Variants in TTC28 observed in about 807,000 individuals in gnomAD.
TTC28 encodes the protein tetratricopeptide repeat domain 28.
In TTC28, 61 loss-of-function variants were observed where a neutral mutation model predicts 198.0. The observed-to-expected ratio is 0.31, with a 90% confidence interval of 0.25 to 0.38. The LOEUF (loss-of-function observed/expected upper bound fraction) is 0.38, where lower values mean the gene tolerates loss of function less well. Among genes scored for constraint, TTC28 ranks in the 10% least tolerant of loss-of-function variants. The probability of loss-of-function intolerance (pLI) is 1.00; values close to 1 mark genes in which losing one functional copy is unlikely to be tolerated. For synonymous variants in TTC28, 1,171 were observed against 1,297.8 expected (o/e 0.90, Z 2.10); for missense variants, 2,678 against 3,164.0 (o/e 0.85, Z 3.69).
At chr22:28,396,489 C>T (rs2046818608) in intron 2 of TTC28, among the ~76,000 whole-genome samples, 1 of 152,080 alleles carries the variant, frequency 6.6e-6, no homozygotes, top group Admixed American at 6.6e-5. Flanking sequence ...TTCCTCTGTC[C>T]CCCTCCCCAA....
intron 6 of TTC28, among the ~76,000 whole-genome samples, chr22:28,109,955 G>C (rs2049302543): frequency 6.6e-6 from 1 of 152,190 alleles, no homozygotes; most frequent in African/African-American, 2.4e-5. Flanking sequence ...CCCAATTTGT[G>C]TATCTCTCTG....
At chr22:28,330,565 G>A (rs768111823) in intron 2 of TTC28, among the ~76,000 whole-genome samples, 2 of 152,062 alleles carry the variant, frequency 1.3e-5, no homozygotes, top group African/African-American at 2.4e-5. Context: ...TCTATAAAAC[G>A]TAAATTAAAA....
chr22:28,566,902 G>A (rs1401138928), intron 2 of TTC28, among the ~76,000 whole-genome samples: 3 of 151,980 alleles, frequency 2.0e-5, no homozygotes, highest in Admixed American at 6.5e-5. Context: ...TCGGAAACAT[G>A]GGAGACACCA....
intron 2 of TTC28, among the ~76,000 whole-genome samples, chr22:28,520,984 C>T (rs1387021898): frequency 1.3e-5 from 2 of 152,112 alleles, no homozygotes; most frequent in East Asian, 1.9e-4. Context: ...ACCTGGCAGG[C>T]GGAGGTTGCA....
chr22:28,210,350 C>A (rs556857047), intron 5 of TTC28, among the ~76,000 whole-genome samples: 3 of 152,172 alleles, frequency 2.0e-5, no homozygotes, highest in African/African-American at 7.2e-5. Flanking sequence ...CTTCTCCAAA[C>A]TAAAGGAGGA....
intron 12 of TTC28, among the ~76,000 whole-genome samples, chr22:28,073,732 TG>T (rs541570190): frequency 9.7e-4 from 148 of 152,328 alleles, no homozygotes; most frequent in African/African-American, 3.6e-3. Context: ...GAAATGTGAA[TG>T]GTCAAGAGGT....
At chr22:28,152,378 C>A (rs115098300) in intron 6 of TTC28, among the ~76,000 whole-genome samples, 1 of 152,050 alleles carries the variant, frequency 6.6e-6, no homozygotes, top group East Asian at 1.9e-4. Flanking sequence ...GCGTCTTTGG[C>A]CTTTAGCCCT....
At chr22:28,280,225 T>C (rs2044557381) in intron 5 of TTC28, among the ~76,000 whole-genome samples, 1 of 152,180 alleles carries the variant, frequency 6.6e-6, no homozygotes, top group Non-Finnish European at 1.5e-5. Flanking sequence ...GAATTAAATA[T>C]AATACATTGA....
chr22:28,677,160 A>AAAT (rs2052004325), intron 1 of TTC28, among the ~76,000 whole-genome samples: 2 of 19,304 alleles, frequency 1.0e-4, no homozygotes, highest in African/African-American at 3.0e-4. Context: ...CATCTCAGGA[A>AAAT]AAAAAAAAAA....
At chr22:28,303,102 C>G (rs1301077278) in intron 3 of TTC28, among the ~76,000 whole-genome samples, 1 of 152,118 alleles carries the variant, frequency 6.6e-6, no homozygotes, top group Non-Finnish European at 1.5e-5. Context: ...GCCAAATTAA[C>G]AGGAAGAGAG....
At chr22:28,048,300 G>A (rs536910446) in intron 12 of TTC28, among the ~76,000 whole-genome samples, 5 of 152,190 alleles carry the variant, frequency 3.3e-5, no homozygotes, top group Admixed American at 2.6e-4. Flanking sequence ...CTCAGCCCTG[G>A]ACAGGAGCAG....
intron 2 of TTC28, among the ~76,000 whole-genome samples, chr22:28,590,240 G>A (rs941048552): frequency 2.0e-5 from 3 of 149,718 alleles, no homozygotes; most frequent in Admixed American, 6.7e-5. Context: ...CCATTCTCCT[G>A]CCTCAGCCTC....
chr22:28,296,307 C>T lies in TTC28; in HGVS notation c.824G>A (p.Arg275Gln). 2 of 1,541,272 alleles carry T rather than the reference C, an allele frequency of 1.3e-6. No homozygotes were observed. The highest frequency in any genetic ancestry group is 2.0e-5 in the Admixed American group (1 of 49,334). Residue 275 changes from arginine to glutamine, a missense_variant, in exon 5 of 23, where the codon CGA (arginine) becomes CAA (glutamine). By Grantham distance (43) the Arg-to-Gln change is conservative. Coordinates refer to ENST00000397906, the MANE Select transcript of TTC28 (RefSeq NM_001145418.2). Reference sequence around the variant, plus strand: ...TGCAGAGCCCAGATTCCCATGAGCTCGGCATTCTCCTGTCTGGTCACCTGG... The same window carrying T: ...TGCAGAGCCCAGATTCCCATGAGCTTGGCATTCTCCTGTCTGGTCACCTGG... The part of the protein sequence containing the change: ...KTLGDQTGEC[R>Q]AHGNLGSAFF...
chr22:28,011,207 A>ATATAT (rs1938146395), intron 14 of TTC28, among the ~76,000 whole-genome samples: 1 of 152,232 alleles, frequency 6.6e-6, no homozygotes, highest in African/African-American at 2.4e-5. Context: ...TACCTAACAG[A>ATATAT]AGGCCTACAT....
chr22:27,998,273 C>CA, intron 16 of TTC28: 1 of 568,950 alleles, frequency 1.8e-6, no homozygotes, highest in South Asian at 2.3e-5. Context: ...ATGGGTCATC[C>CA]AGTGTACACT....
At chr22:28,193,021 T>G (rs556134497) in intron 5 of TTC28, among the ~76,000 whole-genome samples, 1 of 151,990 alleles carries the variant, frequency 6.6e-6, no homozygotes, top group Non-Finnish European at 1.5e-5. Context: ...AAGGAAAAAA[T>G]GCTAAGGGCA....
chr22:28,541,629 G>T (rs184541547), intron 2 of TTC28, among the ~76,000 whole-genome samples: 2 of 152,070 alleles, frequency 1.3e-5, no homozygotes, highest in Non-Finnish European at 2.9e-5. Context: ...AATTAATAAA[G>T]ATTGCCAAAA....
At chr22:27,988,635 T>A (rs1211287456) in intron 21 of TTC28, among the ~76,000 whole-genome samples, 1 of 152,080 alleles carries the variant, frequency 6.6e-6, no homozygotes, top group Non-Finnish European at 1.5e-5. Flanking sequence ...GTCTGACAGC[T>A]CATCCATGTA....
chr22:28,084,690 G>C (rs891209271), intron 12 of TTC28, among the ~76,000 whole-genome samples: 4 of 151,468 alleles, frequency 2.6e-5, no homozygotes, highest in Non-Finnish European at 5.9e-5. Flanking sequence ...AGAGAGGAAG[G>C]CTTCAGAAGA....
Sources: allele counts gnomAD v4.1 joint callset (sites outside exome capture counted in the v4.1 genomes callset), GRCh38; gene constraint gnomAD v4.1.1; transcripts MANE v1.5; gene names NCBI Gene and HGNC (gene_info 2026-07-23, HGNC 2026-07-21).